Variants in PCSK5 observed in about 807,000 individuals in gnomAD.
The protein encoded by PCSK5 is prohormone convertase 5.
PCSK5 carries 129 observed loss-of-function variants against 233.2 expected under a neutral mutation model. The ratio of observed to expected loss-of-function variants is 0.55; its 90% CI spans 0.48 to 0.64. The LOEUF (loss-of-function observed/expected upper bound fraction) is 0.64, where lower values mean the gene tolerates loss of function less well. Ranked by LOEUF, PCSK5 falls within the 30% of genes least tolerant of loss-of-function variation. The pLI, the probability that PCSK5 is intolerant of heterozygous loss-of-function variation, is 0.00. For missense variants in PCSK5, 2,076 were observed against 2,430.1 expected, an observed-to-expected ratio of 0.85 and a Z score of 3.06; for synonymous variants, 825 against 879.2, an observed-to-expected ratio of 0.94 and a Z score of 1.09.
intron 14 of PCSK5, chr9:76,175,501 T>C (rs1463899695): frequency 5.6e-6 from 2 of 354,902 alleles, no homozygotes; most frequent in Non-Finnish European, 1.0e-5. Context: ...CTGGGACATA[T>C]TGTTCGCTTA....
Position 76,219,009 on chromosome 9 carries a change from C to G in PCSK5, c.2627-8494C>G, listed in dbSNP as rs142701177. ...TGCCGCATTCCATACAGACCTGTCA[C>G]TGGGCAAACCTGCGGATCTCTTAGA... On this transcript the variant is annotated intron_variant, in intron 20 of 37. Transcript: ENST00000674117. 2.6e-3 allele frequency among the ~76,000 whole-genome samples: 400 copies of G among 152,316 alleles called. 1 individual carries two copies. Among genetic ancestry groups the G allele is most frequent in the Non-Finnish European group, 4.7e-3 (317 of 68,016 alleles).
chr9:75,984,729 C>T (rs1826429793), intron 2 of PCSK5, among the ~76,000 whole-genome samples: 1 of 152,136 alleles, frequency 6.6e-6, no homozygotes, highest in Non-Finnish European at 1.5e-5. Flanking sequence ...AATTCTTACT[C>T]ATCTTTGTAT....
At chr9:75,931,552 A>G (rs1158532515) in intron 1 of PCSK5, among the ~76,000 whole-genome samples, 3 of 152,220 alleles carry the variant, frequency 2.0e-5, no homozygotes, top group Non-Finnish European at 2.9e-5. Context: ...TCTTCAATGC[A>G]TAGTTCAATT....
intron 5 of PCSK5, among the ~76,000 whole-genome samples, chr9:76,042,550 G>T (rs185078295): frequency 4.6e-5 from 7 of 152,180 alleles, no homozygotes; most frequent in South Asian, 2.1e-4. Context: ...AGCTACTAGG[G>T]GGGGCTGAGG....
At chr9:76,298,362 A>C (rs1828505876) in intron 27 of PCSK5, among the ~76,000 whole-genome samples, 2 of 152,088 alleles carry the variant, frequency 1.3e-5, no homozygotes, top group East Asian at 3.8e-4. Context: ...GGGATTTTTC[A>C]CTAATAGGGG....
At chr9:76,202,574 C>G (rs978069) in intron 20 of PCSK5, among the ~76,000 whole-genome samples, 106,459 of 151,954 alleles carry the variant, frequency 0.7, 37,541 homozygotes, top group East Asian at 0.89. Context: ...CAAGTATTTT[C>G]CTGCCACATT....
intron 14 of PCSK5, among the ~76,000 whole-genome samples, chr9:76,176,762 T>C (rs530116853): frequency 6.6e-6 from 1 of 152,334 alleles, no homozygotes; most frequent in East Asian, 1.9e-4. Flanking sequence ...CTATTGGTTG[T>C]ATTTATTTTA....
At chr9:76,083,998 A>G (rs1358531885) in intron 7 of PCSK5, among the ~76,000 whole-genome samples, 1 of 152,250 alleles carries the variant, frequency 6.6e-6, no homozygotes, top group Non-Finnish European at 1.5e-5. Flanking sequence ...GGAATGATAT[A>G]TAGCTAGGCG....
chr9:75,921,686 G>C (rs189206616), intron 1 of PCSK5, among the ~76,000 whole-genome samples: 1 of 152,086 alleles, frequency 6.6e-6, no homozygotes, highest in Non-Finnish European at 1.5e-5. Context: ...TTACAGATGG[G>C]TTTTGAAGAA....
At position 76,236,181 on chromosome 9, in the gene PCSK5, G is replaced by A. The variant is rs536364296; in HGVS notation, c.2866+2585G>A. Among the ~76,000 whole-genome samples, 12 of 152,326 alleles carry A rather than the reference G, an allele frequency of 7.9e-5. No individual in the cohort carries two copies. In the East Asian group the frequency reaches 2.3e-3, roughly 29 times the overall value. On this transcript the variant is annotated intron_variant, in intron 22 of 37. Transcript: ENST00000674117. ...CAGCTACAGTAAGCAAAATGTGGTA[G>A]TCAACTTCATCAAGTTTATTTTCAG...
chr9:76,237,177 C>G (rs113431126), intron 22 of PCSK5, among the ~76,000 whole-genome samples: 3,677 of 152,256 alleles, frequency 0.024, 51 homozygotes, highest in Non-Finnish European at 0.031. Flanking sequence ...GAAGGATGAC[C>G]CTCTTGTGAT....
intron 8 of PCSK5, among the ~76,000 whole-genome samples, chr9:76,099,876 G>A (rs185430158): frequency 3.2e-4 from 49 of 152,236 alleles, no homozygotes; most frequent in South Asian, 1.5e-3. Flanking sequence ...AGAAGAGCAC[G>A]GTTGTCATTC....
Position 76,362,432 on chromosome 9 carries a change from A to G in PCSK5, c.*3510A>G, listed in dbSNP as rs1830444595. On this transcript the variant is annotated 3_prime_UTR_variant, in exon 38 of 38. Coordinates refer to ENST00000674117, the MANE Select transcript of PCSK5 (RefSeq NM_001372043.1). ...TTCCAAGTAAGAGATACACAACAAG[A>G]GTGCTATTTTTTCTTCTTTTTATCT... The G allele has an allele frequency of 6.6e-6, 1 of 152,206 alleles. No individual in the cohort carries two copies. Among genetic ancestry groups the G allele is most frequent in the Non-Finnish European group, 1.5e-5 (1 of 68,040 alleles). The allele number at this position is 152,206 out of a possible 1,614,324, so 9.4% of individuals were successfully genotyped here.
At chr9:76,263,888 A>G (rs1023923733) in intron 24 of PCSK5, among the ~76,000 whole-genome samples, 1 of 152,154 alleles carries the variant, frequency 6.6e-6, no homozygotes, top group Non-Finnish European at 1.5e-5. Flanking sequence ...ATACTGCTCA[A>G]AGCTATGAGA....
chr9:76,270,100 T>A (rs899562702), intron 24 of PCSK5, among the ~76,000 whole-genome samples: 7 of 152,182 alleles, frequency 4.6e-5, no homozygotes, highest in African/African-American at 1.7e-4. Flanking sequence ...TTTTTTCAGA[T>A]AACAGGACTT....
intron 2 of PCSK5, among the ~76,000 whole-genome samples, chr9:75,940,989 C>A (rs1824277416): frequency 1.3e-5 from 2 of 152,236 alleles, no homozygotes; most frequent in South Asian, 4.1e-4. Context: ...TTCTGCCATG[C>A]CTCTTCATTA....
intron 9 of PCSK5, among the ~76,000 whole-genome samples, chr9:76,117,901 T>G (rs1173173280): frequency 6.6e-6 from 1 of 152,108 alleles, no homozygotes; most frequent in Non-Finnish European, 1.5e-5. Context: ...CAGCAGAGTC[T>G]GCTTGTCATT....
chr9:76,193,094 T>C, intron 20 of PCSK5: 1 of 574,252 alleles, frequency 1.7e-6, no homozygotes, highest in Non-Finnish European at 2.9e-6. Flanking sequence ...GTGGACCAAA[T>C]TTCCTCCTGT....
At chr9:76,116,477 T>G (rs1419541449) in intron 9 of PCSK5, among the ~76,000 whole-genome samples, 1 of 152,048 alleles carries the variant, frequency 6.6e-6, no homozygotes, top group Non-Finnish European at 1.5e-5. Context: ...TCCCTACCAG[T>G]AAAGACTGTA....
Sources: allele counts gnomAD v4.1 joint callset (sites outside exome capture counted in the v4.1 genomes callset), GRCh38; gene constraint gnomAD v4.1.1; transcripts MANE v1.5; gene names NCBI Gene and HGNC (gene_info 2026-07-23, HGNC 2026-07-21).